SKI: variants seen among roughly 807,000 people sequenced by gnomAD.
The protein encoded by SKI is SKI proto-oncogene.
In SKI, 23 loss-of-function variants were observed where a neutral mutation model predicts 59.3. That is an observed-to-expected ratio of 0.39 (90% CI 0.28 to 0.55). The LOEUF is 0.55. Ranked by LOEUF, SKI falls within the 20% of genes least tolerant of loss-of-function variation. SKI has a pLI of 0.67. For missense variants in SKI, 1,017 were observed against 1,038.9 expected (o/e 0.98, Z 0.29); for synonymous variants, 673 against 488.6 (o/e 1.38, Z -4.98).
At chr1:2,239,065 C>A (rs1638810043) in intron 1 of SKI, among the ~76,000 whole-genome samples, 1 of 152,212 alleles carries the variant, frequency 6.6e-6, no homozygotes, top group Non-Finnish European at 1.5e-5. Context: ...CTCCGCCTTT[C>A]CTGGCTACAA....
intron 1 of SKI, among the ~76,000 whole-genome samples, chr1:2,246,934 G>A (rs1639012561): frequency 6.6e-6 from 1 of 152,190 alleles, no homozygotes; most frequent in African/African-American, 2.4e-5. Context: ...CAAGAGCCAT[G>A]GGCACAGGCC....
chr1:2,235,084 C>T (rs1638724843), intron 1 of SKI, among the ~76,000 whole-genome samples: 1 of 151,484 alleles, frequency 6.6e-6, no homozygotes, highest in Admixed American at 6.6e-5. Context: ...TTTCTGTTGC[C>T]CAGGCTGGAG....
intron 1 of SKI, among the ~76,000 whole-genome samples, chr1:2,286,459 G>A (rs182403235): frequency 7.9e-5 from 12 of 152,302 alleles, no homozygotes; most frequent in Non-Finnish European, 1.3e-4. Context: ...TGATGCTACC[G>A]CACTCAGCCT....
At chr1:2,300,455 G>A (rs753788780) in intron 1 of SKI, among the ~76,000 whole-genome samples, 54 of 152,328 alleles carry the variant, frequency 3.5e-4, no homozygotes, top group Non-Finnish European at 7.1e-4. Context: ...AGACTCAGCC[G>A]TCTGTCACTG....
At chr1:2,305,762 G>A (rs1256293167) in intron 5 of SKI, among the ~76,000 whole-genome samples, 2 of 152,202 alleles carry the variant, frequency 1.3e-5, no homozygotes, top group Non-Finnish European at 1.5e-5. Context: ...AGGCCCCGCC[G>A]CAGCCTCAAG....
intron 1 of SKI, among the ~76,000 whole-genome samples, chr1:2,239,469 C>T (rs989584641): frequency 5.9e-5 from 9 of 152,226 alleles, no homozygotes; most frequent in East Asian, 5.8e-4. Context: ...CTTGAGCTCC[C>T]GTTGGGGGAA....
chr1:2,303,862 G>A lies in SKI; in HGVS notation c.1234G>A (p.Glu412Lys). ...RDSFYSYKSF[E>K]TAVAPNVALA... is the part of the protein sequence containing the mutation. Reference sequence around the variant, plus strand: ...CAGCTTCTACTCCTACAAGAGCTTTGAGACAGCCGTGGCGCCCAACGTGGC... The same window carrying A: ...CAGCTTCTACTCCTACAAGAGCTTTAAGACAGCCGTGGCGCCCAACGTGGC... The change falls in exon 4 of 7, where the codon GAG becomes AAG. Residue 412 changes from glutamate (E) to lysine (K), a missense_variant. By Grantham distance (56) the Glu-to-Lys change is moderately conservative (BLOSUM62 1). Transcript: ENST00000378536. This position sits in a 1 kb window ranked among gnomAD's most constrained non-coding sequence, Gnocchi z 5.6. 6.2e-7 allele frequency: 1 copy of A among 1,612,486 alleles called. No individual in the cohort carries two copies. Among genetic ancestry groups the A allele is most frequent in the Non-Finnish European group, 8.5e-7 (1 of 1,179,810 alleles).
At chr1:2,258,741 G>C (rs1003896950) in intron 1 of SKI, among the ~76,000 whole-genome samples, 1 of 152,074 alleles carries the variant, frequency 6.6e-6, no homozygotes, top group Admixed American at 6.5e-5. Flanking sequence ...TTTTAGTAGA[G>C]ACGGGGTTTG....
At chr1:2,300,541 C>T (rs1640399219) in intron 1 of SKI, among the ~76,000 whole-genome samples, 1 of 152,236 alleles carries the variant, frequency 6.6e-6, no homozygotes, top group African/African-American at 2.4e-5. Flanking sequence ...GCATCCCAGG[C>T]CTGAAGACGG....
At chr1:2,243,899 T>A (rs1316036813) in intron 1 of SKI, among the ~76,000 whole-genome samples, 1 of 152,188 alleles carries the variant, frequency 6.6e-6, no homozygotes, top group Non-Finnish European at 1.5e-5. Context: ...ACGTTTCTGA[T>A]CATTTCCTTA....
Position 2,229,405 on chromosome 1 carries a change from C to A in SKI, c.639C>A (p.Leu213=), listed in dbSNP as rs1021005276. The change falls in exon 1 of 7, where the codon CTC becomes CTA. Residue 213 remains leucine (L), a synonymous_variant. Coordinates refer to ENST00000378536, the MANE Select transcript of SKI (RefSeq NM_003036.4). The surrounding 1 kb of genome is among the most constrained non-coding windows in gnomAD (Gnocchi z 6.3). ...LAASLALGLE[L]SERSVRVYHE... ...CCAGCCTGGCGCTGGGCCTGGAGCT[C>A]AGCGAGCGCAGCGTCCGCGTGTACC... is the stretch of plus-strand genomic sequence containing the variant. 2 of 1,609,142 alleles carry A rather than the reference C, an allele frequency of 1.2e-6. No individual in the cohort carries two copies. The highest frequency in any genetic ancestry group is 2.7e-5 in the African/African-American group (2 of 74,968).
intron 1 of SKI, among the ~76,000 whole-genome samples, chr1:2,297,937 C>G (rs549103363): frequency 2.0e-4 from 30 of 152,350 alleles, no homozygotes; most frequent in African/African-American, 7.2e-4. Context: ...GGAGGGGTTG[C>G]AGGGTGGGCT....
chr1:2,229,373 C>G lies in SKI; in HGVS notation c.607C>G (p.Leu203Val), dbSNP rs748376935. The change falls in exon 1 of 7, where the codon CTG becomes GTG. Residue 203 changes from leucine to valine, a missense_variant. Transcript: ENST00000378536. The surrounding 1 kb of genome is among the most constrained non-coding windows in gnomAD (Gnocchi z 6.3). Reference sequence around the variant, plus strand: ...CTACCCGCCGCCCTGCAAGAAGGAGCTGGCCGCCAGCCTGGCGCTGGGCCT... The same window carrying G: ...CTACCCGCCGCCCTGCAAGAAGGAGGTGGCCGCCAGCCTGGCGCTGGGCCT... Reference protein sequence around the residue: ...GAYPPPCKKELAASLALGLEL... With the variant: ...GAYPPPCKKEVAASLALGLEL... The G allele has an allele frequency of 1.2e-6, 2 of 1,600,982 alleles. No homozygotes were observed. The highest frequency in any genetic ancestry group is 1.3e-5 in the African/African-American group (1 of 74,516).
In SKI at chr1:2,306,258, G is replaced by A; in HGVS notation, c.1998+8G>A. ...GCCAAGTACTCGGCCCAGGTATGCG[G>A]GTGGGGAGACTGAGGCACGCAGCAC... is the stretch of plus-strand genomic sequence containing the variant. On this transcript the variant is annotated splice_region_variant and intron_variant, in intron 6 of 6. Coordinates refer to ENST00000378536, the MANE Select transcript of SKI (RefSeq NM_003036.4). 2 of 1,546,026 alleles carry A rather than the reference G, an allele frequency of 1.3e-6. No homozygotes were observed. Among genetic ancestry groups the A allele is most frequent in the Non-Finnish European group, 1.7e-6 (2 of 1,144,918 alleles).
At chr1:2,284,741 G>A (rs966201223) in intron 1 of SKI, among the ~76,000 whole-genome samples, 1 of 152,208 alleles carries the variant, frequency 6.6e-6, no homozygotes, top group African/African-American at 2.4e-5. Context: ...AGGCAGGGAA[G>A]AGTCAGGGAG....
chr1:2,236,840 C>T (rs543493472), intron 1 of SKI, among the ~76,000 whole-genome samples: 1 of 152,306 alleles, frequency 6.6e-6, no homozygotes, highest in Non-Finnish European at 1.5e-5. Flanking sequence ...GCTGATGCTC[C>T]TCCCAGCTCT....
chr1:2,304,324 G>C lies in SKI; in HGVS notation c.1506G>C (p.Pro502=). ...FTSSLSSLSS[P]SFTSSSSAKD... ...CCTCCTTGTCCTCGCTCTCTTCCCC[G>C]TCCTTTACCTCATCCAGCTCCGCCA... is the stretch of plus-strand genomic sequence containing the variant. Residue 502 remains proline, a synonymous_variant, in exon 5 of 7, where the codon CCG becomes CCC. Coordinates refer to ENST00000378536, the MANE Select transcript of SKI (RefSeq NM_003036.4). 1 of 1,551,598 alleles carries C rather than the reference G, an allele frequency of 6.4e-7. No individual in the cohort carries two copies. Among genetic ancestry groups the C allele is most frequent in the Non-Finnish European group, 8.7e-7 (1 of 1,146,908 alleles).
intron 1 of SKI, among the ~76,000 whole-genome samples, chr1:2,259,672 C>T (rs559257171): frequency 6.6e-6 from 1 of 152,346 alleles, no homozygotes; most frequent in African/African-American, 2.4e-5. Flanking sequence ...GATGATGAAC[C>T]TGTCCGTCAC....
intron 1 of SKI, among the ~76,000 whole-genome samples, chr1:2,252,097 G>T (rs1639164163): frequency 6.6e-6 from 1 of 152,190 alleles, no homozygotes; most frequent in Non-Finnish European, 1.5e-5. Flanking sequence ...TGCACCCCCC[G>T]GTGAGAGATC....
Sources: gnomAD v4.1 joint callset for allele counts (sites outside exome capture counted in the v4.1 genomes callset) on GRCh38, gnomAD v4.1.1 for gene constraint, Gnocchi (gnomAD v3.1) non-coding constraint, MANE v1.5 for transcripts, NCBI Gene and HGNC (gene_info 2026-07-23, HGNC 2026-07-21) for gene names.